The following HPD variants were observed in gnomAD, a reference collection of about 807,000 sequenced individuals.
HPD encodes 4-hydroxyphenylpyruvate dioxygenase, also known as 4-hydroxyphenylpyruvic acid oxidase.
Under a neutral mutation model 56.9 loss-of-function variants are expected in HPD, and 35 were observed. The ratio of observed to expected loss-of-function variants is 0.62; its 90% CI spans 0.47 to 0.82. The LOEUF is 0.82. HPD is among the 40% of genes least tolerant of loss of function. The pLI, the probability that HPD is intolerant of heterozygous loss-of-function variation, is 0.00. For missense variants in HPD, 442 were observed against 506.8 expected, an observed-to-expected ratio of 0.87 and a Z score of 1.23; for synonymous variants, 186 against 200.2, an observed-to-expected ratio of 0.93 and a Z score of 0.60.
the HPD span, among the ~76,000 whole-genome samples, chr12:121,873,620 CA>C: frequency 4.6e-5 from 7 of 152,140 alleles, no homozygotes; most frequent in African/African-American, 1.7e-4. Context: ...AGATCGAGAC[CA>C]TCCTGGATAA....
Position 121,845,580 on chromosome 12 carries a change from G to C in HPD, c.831+1282C>G, listed in dbSNP as rs544579293. On this transcript the variant is annotated intron_variant, in intron 11 of 13. Transcript: ENST00000289004. ...CGCGCCACTGCACTCCAGCCTGGGC[G>C]ACAGAGCCAGGCTCCGTCTCAAAAA... 1.1e-3 allele frequency among the ~76,000 whole-genome samples: 160 copies of C among 143,290 alleles called. 1 individual carries two copies. The highest frequency in any genetic ancestry group is 3.8e-3 in the African/African-American group (146 of 38,126). The allele number at this position is 143,290 out of a possible 152,430, so 94.0% of individuals were successfully genotyped here.
the HPD span, among the ~76,000 whole-genome samples, chr12:121,886,140 A>G: frequency 1.6e-5 from 2 of 123,590 alleles, no homozygotes; most frequent in Non-Finnish European, 3.3e-5. Flanking sequence ...ATGGGGTCTC[A>G]CTCTCTCGCC....
chr12:121,850,712 TTG>T (rs1434973700), intron 7 of HPD, among the ~76,000 whole-genome samples: 3 of 145,534 alleles, frequency 2.1e-5, no homozygotes, highest in East Asian at 2.1e-4. Flanking sequence ...TTTTTTTTTT[TTG>T]TTTGAGACGG....
At chr12:121,852,463 C>T (rs1877824445) in intron 7 of HPD, among the ~76,000 whole-genome samples, 1 of 151,940 alleles carries the variant, frequency 6.6e-6, no homozygotes, top group South Asian at 2.1e-4. Flanking sequence ...AGCCACTGTG[C>T]CCAGCCCTTT....
At chr12:121,841,782 T>C (rs1479742913) in intron 12 of HPD, among the ~76,000 whole-genome samples, 3 of 151,598 alleles carry the variant, frequency 2.0e-5, no homozygotes, top group African/African-American at 7.3e-5. Context: ...TTCCCTGGGT[T>C]CAAGCAATTC....
chr12:121,845,000 C>T (rs1877530232), intron 11 of HPD, among the ~76,000 whole-genome samples: 1 of 151,226 alleles, frequency 6.6e-6, no homozygotes, highest in Admixed American at 6.6e-5. Context: ...AGGAGAATCG[C>T]TTGAACCCAG....
At chr12:121,880,477 AGCCACCAT>A in the HPD span, among the ~76,000 whole-genome samples, 2 of 152,150 alleles carry the variant, frequency 1.3e-5, no homozygotes, top group Non-Finnish European at 2.9e-5. Flanking sequence ...TATAGGCGTG[AGCCACCAT>A]GCCCGGCCTG....
At chr12:121,879,513 T>G in the HPD span, among the ~76,000 whole-genome samples, 1 of 151,634 alleles carries the variant, frequency 6.6e-6, no homozygotes, top group Non-Finnish European at 1.5e-5. Context: ...TTTTTTCTTT[T>G]CTTTTCTTTT....
intron 7 of HPD, among the ~76,000 whole-genome samples, chr12:121,852,338 A>C: frequency 6.6e-6 from 1 of 150,876 alleles, no homozygotes; most frequent in Non-Finnish European, 1.5e-5. Context: ...TTTTATTTGT[A>C]TTTTTAATTT....
At chr12:121,855,281 T>C (rs1009289569) in intron 6 of HPD, among the ~76,000 whole-genome samples, 1 of 152,192 alleles carries the variant, frequency 6.6e-6, no homozygotes. Flanking sequence ...GGTGAGGACG[T>C]TGAAGCACAG....
chr12:121,842,144 G>C (rs1877428446), intron 12 of HPD, among the ~76,000 whole-genome samples: 1 of 152,022 alleles, frequency 6.6e-6, no homozygotes, highest in Non-Finnish European at 1.5e-5. Context: ...TGACAAAAAT[G>C]TTCTAAAATT....
chr12:121,848,829 C>T (rs1453381490), intron 9 of HPD, among the ~76,000 whole-genome samples, 170 bp downstream of exon 9: 1 of 152,084 alleles, frequency 6.6e-6, no homozygotes, highest in East Asian at 1.9e-4. Context: ...TGGTGTTGAA[C>T]CCCTGACCTC....
At chr12:121,858,970 G>T, upstream of HPD, 1 of 877,424 alleles carries the variant, frequency 1.1e-6, no homozygotes, top group Admixed American at 2.0e-5. Flanking sequence ...GAAGGTTCCA[G>T]GCCTGGGGAC....
chr12:121,850,393 C>G (rs1211468978), intron 7 of HPD, among the ~76,000 whole-genome samples: 1 of 150,310 alleles, frequency 6.7e-6, no homozygotes, highest in Non-Finnish European at 1.5e-5. Context: ...TGCCACTACA[C>G]TCCAGCCTGG....
At chr12:121,867,635 T>C (rs1334961202), upstream of HPD, among the ~76,000 whole-genome samples, 3 of 151,992 alleles carry the variant, frequency 2.0e-5, no homozygotes, top group Admixed American at 6.6e-5. Context: ...TGCCTCAGCT[T>C]CCCGAGTAGC....
At position 121,856,616 on chromosome 12, in the gene HPD, C is replaced by A; in HGVS notation, c.208G>T (p.Val70Phe). 6.2e-7 allele frequency: 1 copy of A among 1,614,132 alleles called. No homozygotes were observed. Among genetic ancestry groups the A allele is most frequent in the Non-Finnish European group, 8.5e-7 (1 of 1,179,994 alleles). The change falls in exon 5 of 14, where the codon GTC becomes TTC. Residue 70 changes from valine to phenylalanine, a missense_variant. By Grantham distance (50) the Val-to-Phe change is conservative (BLOSUM62 -1). Transcript: ENST00000289004. ...CAGGGGTTGAGCGCTGAGGAGAGGA[C>A]AAACACAATCTAAGATAGGAGGAGA... is the stretch of plus-strand genomic sequence containing the variant. ...HVIKQGKIVF[V>F]LSSALNPWNK...
At chr12:121,856,101 A>G (rs933690493) in intron 6 of HPD, among the ~76,000 whole-genome samples, 6 of 152,042 alleles carry the variant, frequency 3.9e-5, no homozygotes, top group Non-Finnish European at 8.8e-5. Context: ...GGGGGAAGGC[A>G]GGGCACCCCC....
the HPD span, among the ~76,000 whole-genome samples, chr12:121,885,405 T>C: frequency 4.6e-5 from 7 of 151,266 alleles, no homozygotes; most frequent in Non-Finnish European, 7.4e-5. Context: ...TTTCACCATG[T>C]TGGCCAGGAT....
At chr12:121,852,208 T>C (rs936154107) in intron 7 of HPD, among the ~76,000 whole-genome samples, 2 of 151,956 alleles carry the variant, frequency 1.3e-5, no homozygotes, top group African/African-American at 4.8e-5. Context: ...TTCGTAGAGA[T>C]GGGGTCTCAC....
Sources: gnomAD v4.1 joint callset for allele counts (sites outside exome capture counted in the v4.1 genomes callset) on GRCh38, gnomAD v4.1.1 for gene constraint, MANE v1.5 for transcripts, NCBI Gene and HGNC (gene_info 2026-07-23, HGNC 2026-07-21) for gene names.